The following AKR1E2 variants were observed in gnomAD, a reference collection of about 807,000 sequenced individuals.
The protein encoded by AKR1E2 is 1,5-anhydro-D-fructose reductase.
AKR1E2 carries 43 observed loss-of-function variants against 41.9 expected under a neutral mutation model. That is an observed-to-expected ratio of 1.03 (90% confidence interval 0.80 to 1.32). The LOEUF (loss-of-function observed/expected upper bound fraction) is 1.32, where lower values mean the gene tolerates loss of function less well. Ranked by LOEUF, AKR1E2 falls within the 40% of genes most tolerant of loss-of-function variation. The pLI is 0.00. For synonymous variants in AKR1E2, 121 were observed against 138.9 expected (o/e 0.87, Z 0.91); for missense variants, 423 against 396.5 (o/e 1.07, Z -0.57).
chr10:4,839,431 A>C (rs1045326761), intron 5 of AKR1E2, among the ~76,000 whole-genome samples: 1 of 150,210 alleles, frequency 6.7e-6, no homozygotes, highest in Non-Finnish European at 1.5e-5. Context: ...GGGAGATGAG[A>C]GCTATGGTGT....
intron 4 of AKR1E2, 107 bp downstream of exon 4, chr10:4,835,916 G>C (rs111865991): frequency 6.9e-7 from 1 of 1,453,106 alleles, no homozygotes. Context: ...TTGTCTACCT[G>C]AGATGTGGGG....
At chr10:4,846,275 C>T in intron 8 of AKR1E2, 1 of 176,204 alleles carries the variant, frequency 5.7e-6, no homozygotes, top group Non-Finnish European at 1.2e-5. Flanking sequence ...CGCAAGACAG[C>T]CACTCTGCCA....
At chr10:4,862,711 C>G in the AKR1E2 span, among the ~76,000 whole-genome samples, 19 of 152,024 alleles carry the variant, frequency 1.2e-4, no homozygotes, top group African/African-American at 4.6e-4. Context: ...TGGGAGTTCA[C>G]TCATGATTTG....
intron 8 of AKR1E2, among the ~76,000 whole-genome samples, chr10:4,843,446 A>G (rs1588476707): frequency 1.3e-5 from 2 of 152,164 alleles, no homozygotes; most frequent in African/African-American, 4.8e-5. Flanking sequence ...ACACCCATTG[A>G]TCATGTCAGC....
the AKR1E2 span, among the ~76,000 whole-genome samples, chr10:4,859,048 TC>T: frequency 3.9e-5 from 6 of 152,046 alleles, no homozygotes; most frequent in African/African-American, 1.5e-4. Flanking sequence ...GGTCTCAAAC[TC>T]CTGACTTCAG....
the AKR1E2 span, among the ~76,000 whole-genome samples, chr10:4,872,582 G>A: frequency 6.2e-4 from 95 of 152,152 alleles, 1 homozygote; most frequent in Admixed American, 3.5e-3. Context: ...GATATTTATT[G>A]TTAGGGGTTC....
chr10:4,854,615 CA>C, the AKR1E2 span, among the ~76,000 whole-genome samples: 7 of 152,066 alleles, frequency 4.6e-5, no homozygotes, highest in Non-Finnish European at 1.0e-4. Context: ...ACATTTTTCT[CA>C]TGAACCACAA....
At chr10:4,852,893 C>T (rs927818512), downstream of AKR1E2, among the ~76,000 whole-genome samples, 4 of 152,112 alleles carry the variant, frequency 2.6e-5, no homozygotes, top group African/African-American at 9.7e-5. Flanking sequence ...CTTCTGTGTC[C>T]TCACATGGTC....
chr10:4,827,505 C>T (rs1386446293), intron 1 of AKR1E2, among the ~76,000 whole-genome samples: 1 of 152,102 alleles, frequency 6.6e-6, no homozygotes, highest in African/African-American at 2.4e-5. Flanking sequence ...CGTCTTATAA[C>T]CACCATTCTA....
At chr10:4,825,076 A>G (rs774635512), upstream of AKR1E2, 9 of 450,100 alleles carry the variant, frequency 2.0e-5, no homozygotes, top group South Asian at 7.8e-5. Flanking sequence ...TGAATAAATG[A>G]GAGTATCGAA....
chr10:4,860,512 A>G, the AKR1E2 span, among the ~76,000 whole-genome samples: 1 of 152,018 alleles, frequency 6.6e-6, no homozygotes, highest in Non-Finnish European at 1.5e-5. Flanking sequence ...GGGGAACCTC[A>G]TAGTGGCTGC....
At chr10:4,850,699 T>C (rs1474283299), downstream of AKR1E2, among the ~76,000 whole-genome samples, 2 of 152,210 alleles carry the variant, frequency 1.3e-5, no homozygotes, top group African/African-American at 4.8e-5. Flanking sequence ...CCTAATGATC[T>C]GAGCATCTTT....
At chr10:4,853,293 GA>G in the AKR1E2 span, among the ~76,000 whole-genome samples, 3 of 152,100 alleles carry the variant, frequency 2.0e-5, no homozygotes, top group Non-Finnish European at 4.4e-5. Context: ...TAAACTTCAT[GA>G]AAAAACCCCA....
chr10:4,841,930 T>C, intron 7 of AKR1E2, 73 bp downstream of exon 7: 1 of 1,398,258 alleles, frequency 7.2e-7, no homozygotes, highest in Non-Finnish European at 9.8e-7. Flanking sequence ...GTCCTGGGGC[T>C]TGGCAGGTCC....
At chr10:4,826,076 G>A (rs1832460640), upstream of AKR1E2, 2 of 392,368 alleles carry the variant, frequency 5.1e-6, no homozygotes, top group African/African-American at 4.1e-5. Context: ...GACTCCAGCT[G>A]GCTCTGCGCC....
chr10:4,826,636 C>T (rs1380230787), intron 1 of AKR1E2, among the ~76,000 whole-genome samples: 1 of 152,026 alleles, frequency 6.6e-6, no homozygotes, highest in Non-Finnish European at 1.5e-5. Context: ...GGGGCTGCGG[C>T]CGCGGCGTTG....
chr10:4,857,999 C>G, the AKR1E2 span, among the ~76,000 whole-genome samples: 2 of 151,964 alleles, frequency 1.3e-5, no homozygotes, highest in African/African-American at 2.4e-5. Context: ...TATCTCTTCT[C>G]TTGTCTTTAT....
the AKR1E2 span, among the ~76,000 whole-genome samples, chr10:4,853,618 T>C: frequency 6.6e-6 from 1 of 152,164 alleles, no homozygotes; most frequent in African/African-American, 2.4e-5. Context: ...CCAATCCGTA[T>C]AAGTGAGATA....
At chr10:4,850,294 C>T (rs1341301324), downstream of AKR1E2, among the ~76,000 whole-genome samples, 2 of 152,202 alleles carry the variant, frequency 1.3e-5, no homozygotes, top group Non-Finnish European at 2.9e-5. Context: ...CTGGGAGATA[C>T]TCAGATACTC....
Sources: gnomAD v4.1 joint callset for allele counts (sites outside exome capture counted in the v4.1 genomes callset) on GRCh38, gnomAD v4.1.1 for gene constraint, MANE v1.5 for transcripts, NCBI Gene and HGNC (gene_info 2026-07-23, HGNC 2026-07-21) for gene names.